Variants in DNAH8 observed in about 807,000 individuals in gnomAD.
The protein encoded by DNAH8 is dynein axonemal heavy chain 8, also known as axonemal beta dynein heavy chain 8.
In DNAH8, 382 loss-of-function variants were observed where a neutral mutation model predicts 562.1. The observed-to-expected ratio is 0.68, with a 90% CI of 0.63 to 0.74. The LOEUF is 0.74. DNAH8 is among the 30% of genes least tolerant of loss of function. The pLI is 0.00. For synonymous variants in DNAH8, 1,881 were observed against 1,919.4 expected, an observed-to-expected ratio of 0.98 and a Z score of 0.52; for missense variants, 5,203 against 5,620.4, an observed-to-expected ratio of 0.93 and a Z score of 2.37.
intron 67 of DNAH8, among the ~76,000 whole-genome samples, 179 bp from the exon 68 acceptor site, chr6:38,915,022 C>A (rs557493758): frequency 6.6e-6 from 1 of 151,884 alleles, no homozygotes; most frequent in Non-Finnish European, 1.5e-5. Context: ...TGGAAGACTG[C>A]GAGGAACTGC....
intron 5 of DNAH8, among the ~76,000 whole-genome samples, chr6:38,736,729 T>G (rs1937777): frequency 6.6e-6 from 1 of 151,500 alleles, no homozygotes; most frequent in Non-Finnish European, 1.5e-5. Context: ...AAAAAAATCA[T>G]GGACAGGGCA....
intron 21 of DNAH8, among the ~76,000 whole-genome samples, chr6:38,792,197 CCTG>C (rs1333767452): frequency 6.6e-6 from 1 of 152,164 alleles, no homozygotes; most frequent in African/African-American, 2.4e-5. Context: ...AAGTGATTCT[CCTG>C]CTTCAGCCTC....
chr6:38,890,225 C>G (rs1396968258), intron 57 of DNAH8, among the ~76,000 whole-genome samples: 1 of 151,644 alleles, frequency 6.6e-6, no homozygotes, highest in Non-Finnish European at 1.5e-5. Context: ...GCCTGGTCTC[C>G]TTCTCTGTAA....
rs547025892 is a variant in DNAH8, at chr6:38,779,385, CTCTT to C, written c.2040-577_2040-574del. Among the ~76,000 whole-genome samples, 393 of 152,254 alleles carry C rather than the reference CTCTT, an allele frequency of 2.6e-3. 2 individuals are homozygous for C. Among genetic ancestry groups the C allele is most frequent in the African/African-American group, 8.7e-3 (363 of 41,548 alleles). ...TGTCTCTCTATTTCTCTCTGTCTCT[CTCTT>C]TCTGTCTCTCTCTCTCTCTTTTTAC... On this transcript the variant is annotated intron_variant, in intron 14 of 92. Coordinates refer to ENST00000327475, the MANE Select transcript of DNAH8 (RefSeq NM_001206927.2).
At chr6:38,744,783 A>G (rs1764794909) in intron 8 of DNAH8, among the ~76,000 whole-genome samples, 1 of 151,972 alleles carries the variant, frequency 6.6e-6, no homozygotes, top group South Asian at 2.1e-4. Context: ...TTTTTTATAG[A>G]GATAGGATCT....
chr6:39,003,068 T>C (rs1346617934), intron 88 of DNAH8, among the ~76,000 whole-genome samples: 1 of 152,222 alleles, frequency 6.6e-6, no homozygotes, highest in Non-Finnish European at 1.5e-5. Context: ...GGCTGCTATA[T>C]AGGATTTCCT....
intron 31 of DNAH8, among the ~76,000 whole-genome samples, chr6:38,832,707 A>G (rs1323458070): frequency 6.6e-6 from 1 of 152,248 alleles, no homozygotes. Flanking sequence ...TAAAAATTGC[A>G]GAAAAATCTC....
rs748378648 is a variant in DNAH8 at position 38,848,809 on chromosome 6, TG to T, written c.5199+10del. ...GCCAAACAGCTGCCTCAGGTAAATA[TG>T]GCTTTTGTAATTACTGATAAAATAA... On this transcript the variant is annotated intron_variant, in intron 37 of 92. Transcript: ENST00000327475. 2.5e-6 allele frequency: 4 copies of T among 1,612,194 alleles called. No individual in the cohort carries two copies. In the East Asian group the frequency reaches 8.9e-5, roughly 36 times the overall value.
rs1761715203 is a variant in DNAH8 at position 38,949,557 on chromosome 6, C to T, written c.12235C>T (p.Leu4079Phe). 1.3e-6 allele frequency: 2 copies of T among 1,587,424 alleles called. No individual in the cohort carries two copies. Among genetic ancestry groups the T allele is most frequent in the Non-Finnish European group, 1.7e-6 (2 of 1,155,818 alleles). Residue 4079 changes from leucine (L) to phenylalanine (F), a missense_variant, in exon 81 of 93, where the codon CTT becomes TTT. Physicochemically the swap from Leu to Phe is conservative, Grantham distance 22 (BLOSUM62 0). This residue lies in a region of DNAH8 where 1,399 missense variants were observed against 1,518.4 expected (regional missense o/e 0.92). Coordinates refer to ENST00000327475, the MANE Select transcript of DNAH8 (RefSeq NM_001206927.2). ...YNDSLDTCHKLLLIRSWCPDR... is the reference protein window; with the variant it reads ...YNDSLDTCHKFLLIRSWCPDR... ...TGATTCACTAGATACCTGCCATAAA[C>T]TTTTACTTATCAGGTGAGAACAGGC...
chr6:38,755,748 T>G (rs1765847360), intron 9 of DNAH8, among the ~76,000 whole-genome samples: 2 of 152,198 alleles, frequency 1.3e-5, no homozygotes, highest in South Asian at 4.1e-4. Context: ...ACCCAGTTTC[T>G]CCTGTTAACA....
At chr6:38,719,210 T>C (rs1032078662) in intron 1 of DNAH8, among the ~76,000 whole-genome samples, 3 of 152,226 alleles carry the variant, frequency 2.0e-5, no homozygotes, top group African/African-American at 7.2e-5. Flanking sequence ...TGCTGAGCAC[T>C]TGTGGCTTGA....
intron 82 of DNAH8, among the ~76,000 whole-genome samples, chr6:38,969,338 G>A (rs1583475066): frequency 6.6e-6 from 1 of 152,292 alleles, no homozygotes; most frequent in African/African-American, 2.4e-5. Context: ...TCTACTGAGT[G>A]CCAGGCACTA....
intron 74 of DNAH8, chr6:38,928,180 A>G (rs1271313194): frequency 6.6e-6 from 1 of 152,216 alleles, no homozygotes; most frequent in Non-Finnish European, 1.5e-5. Flanking sequence ...GCGCAGGTGA[A>G]CCAGGCTCTG....
chr6:38,929,715 A>G, intron 75 of DNAH8, 49 bp downstream of exon 75: 1 of 1,422,674 alleles, frequency 7.0e-7, no homozygotes, highest in Non-Finnish European at 9.3e-7. Context: ...GAAAAGAAAA[A>G]GAAAAAAAGA....
intron 62 of DNAH8, among the ~76,000 whole-genome samples, chr6:38,901,666 G>A (rs1780091698): frequency 6.6e-6 from 1 of 151,944 alleles, no homozygotes; most frequent in Admixed American, 6.6e-5. Flanking sequence ...TGTCCATTTG[G>A]CCTTTTATTT....
intron 91 of DNAH8, among the ~76,000 whole-genome samples, chr6:39,023,798 G>A (rs1045028507): frequency 2.0e-5 from 3 of 152,180 alleles, no homozygotes; most frequent in Admixed American, 1.3e-4. Context: ...TCTTCTCTAC[G>A]TTCTCTGAAC....
chr6:38,884,316 G>A (rs1191929524), intron 56 of DNAH8, among the ~76,000 whole-genome samples: 1 of 151,916 alleles, frequency 6.6e-6, no homozygotes, highest in East Asian at 1.9e-4. Flanking sequence ...ATTTTGAGAC[G>A]GAGTCTTGCT....
chr6:38,964,748 T>A lies in DNAH8; in HGVS notation c.12452-6844T>A, dbSNP rs563585744. Among the ~76,000 whole-genome samples, 24 of 152,276 alleles carry A rather than the reference T, an allele frequency of 1.6e-4. No homozygotes were observed. The East Asian group carries it at 4.5e-3, about 28-fold the overall frequency. ...TGACAGTAAAATATTCACAACATACTGTTGAAACGTAGAGATATAAAATAA... is the reference window on the plus strand; with the variant it reads ...TGACAGTAAAATATTCACAACATACAGTTGAAACGTAGAGATATAAAATAA... On this transcript the variant is annotated intron_variant, in intron 82 of 92. Coordinates refer to ENST00000327475, the MANE Select transcript of DNAH8 (RefSeq NM_001206927.2).
chr6:38,952,583 G>A (rs531461947), intron 82 of DNAH8, among the ~76,000 whole-genome samples: 8 of 152,122 alleles, frequency 5.3e-5, no homozygotes, highest in East Asian at 1.9e-4. Flanking sequence ...TTACATAGTC[G>A]ACATAAGCAT....
Sources: allele counts gnomAD v4.1 joint callset (sites outside exome capture counted in the v4.1 genomes callset), GRCh38; gene constraint gnomAD v4.1.1; regional missense constraint gnomAD v4.1.1; transcripts MANE v1.5; gene names NCBI Gene and HGNC (gene_info 2026-07-23, HGNC 2026-07-21).